Variants in EXD3 observed in about 807,000 individuals in gnomAD.
EXD3 encodes exonuclease mut-7 homolog.
A neutral mutation model predicts 98.0 loss-of-function variants in EXD3; 92 were observed. The observed-to-expected ratio is 0.94, with a 90% CI of 0.79 to 1.12. EXD3 has a LOEUF of 1.12. Ranked by LOEUF, EXD3 falls within the 50% of genes most tolerant of loss-of-function variation. The pLI is 0.00. For synonymous variants in EXD3, 569 were observed against 526.0 expected, an observed-to-expected ratio of 1.08 and a Z score of -1.12; for missense variants, 1,222 against 1,191.6, an observed-to-expected ratio of 1.03 and a Z score of -0.38.
rs1834953671 is a variant in EXD3, at chr9:137,359,921, C to T, written c.657-3553G>A. On this transcript the variant is annotated intron_variant, in intron 7 of 21. Transcript: ENST00000340951. ...CTCTCGGGCATATGCTAAGTGGACT[C>T]GGACAACATATGTCATAGGGTTGGC... Among the ~76,000 whole-genome samples the T allele has an allele frequency of 2.3e-5, 2 of 86,308 alleles. 1 individual carries two copies. Among genetic ancestry groups the T allele is most frequent in the African/African-American group, 6.4e-5 (2 of 31,168 alleles). 56.6% of individuals were successfully genotyped at this position (86,308 alleles called of 152,430 possible).
At chr9:137,365,763 C>T (rs1331529638) in intron 7 of EXD3, 3 of 328,430 alleles carry the variant, frequency 9.1e-6, no homozygotes, top group African/African-American at 2.2e-5. Context: ...TGCACACACA[C>T]ACCACATGCA....
chr9:137,399,156 G>A (rs1837369568), intron 1 of EXD3, among the ~76,000 whole-genome samples: 1 of 152,218 alleles, frequency 6.6e-6, no homozygotes, highest in Non-Finnish European at 1.5e-5. Context: ...TTCTCCTGAC[G>A]GTCATGGTAA....
rs1412338046 is a variant in EXD3 at position 137,371,797 on chromosome 9, G to C, written c.462+1108C>G. Among the ~76,000 whole-genome samples, 1 of 151,800 alleles carries C rather than the reference G, an allele frequency of 6.6e-6. No homozygotes were observed. Among genetic ancestry groups the C allele is most frequent in the Non-Finnish European group, 1.5e-5 (1 of 67,930 alleles). ...CAGGACACCCCCGGGCTTCTTTGCC[G>C]CACCTCGTGCTGCACCCTAGAATCT... On this transcript the variant is annotated intron_variant, in intron 5 of 21. Transcript: ENST00000340951. This position sits in a 1 kb window ranked among gnomAD's most constrained non-coding sequence, Gnocchi z 8.0.
At chr9:137,400,873 T>C (rs1837451018) in intron 1 of EXD3, among the ~76,000 whole-genome samples, 1 of 152,162 alleles carries the variant, frequency 6.6e-6, no homozygotes, top group African/African-American at 2.4e-5. Context: ...AGCTCCAAAA[T>C]GATCTCCTTT....
At chr9:137,412,437 G>T (rs892212077) in intron 1 of EXD3, among the ~76,000 whole-genome samples, 1 of 152,246 alleles carries the variant, frequency 6.6e-6, no homozygotes, top group Non-Finnish European at 1.5e-5. Context: ...TTTTAAATGT[G>T]TCTACAAGAA....
chr9:137,353,192 A>G lies in EXD3; in HGVS notation c.871-406T>C, dbSNP rs143472973. The G allele has an allele frequency of 6.1e-3, 5,892 of 967,158 alleles. 106 individuals carry two copies. The highest frequency in any genetic ancestry group is 0.059 in the African/African-American group (2,970 of 50,220). The allele number at this position is 967,158 out of a possible 1,614,324, so 59.9% of individuals were successfully genotyped here. On this transcript the variant is annotated intron_variant, in intron 10 of 21. Coordinates refer to ENST00000340951, the MANE Select transcript of EXD3 (RefSeq NM_017820.5). ...TGACCTTCCTGGCCTCCAAGCCTCC[A>G]CCAGCCCTCCTGGCCTCCAAGCCTC...
In EXD3 at chr9:137,407,837, G is replaced by T. The variant is rs1399387856; in HGVS notation, c.-47-12433C>A. On this transcript the variant is annotated intron_variant, in intron 1 of 21. Transcript: ENST00000340951. This position sits in a 1 kb window ranked among gnomAD's most constrained non-coding sequence, Gnocchi z 4.4. Reference sequence around the variant, plus strand: ...ACCCAAGGACACACGCGGGAGGCGGGAGGCGGGAGGGGCACAGCAAAGGGT... The same window carrying T: ...ACCCAAGGACACACGCGGGAGGCGGTAGGCGGGAGGGGCACAGCAAAGGGT... Among the ~76,000 whole-genome samples, 1 of 152,134 alleles carries T rather than the reference G, an allele frequency of 6.6e-6. No individual in the cohort carries two copies. Among genetic ancestry groups the T allele is most frequent in the Non-Finnish European group, 1.5e-5 (1 of 67,998 alleles).
rs1315501428 is a variant in EXD3, at chr9:137,371,078, G to A, written c.462+1827C>T. On this transcript the variant is annotated intron_variant, in intron 5 of 21. Transcript: ENST00000340951. The surrounding 1 kb of genome is among the most constrained non-coding windows in gnomAD (Gnocchi z 8.0). Reference sequence around the variant, plus strand: ...GGGACAATGGCTTTCTTCGCAGAAGGGGCCTGTGCGGGACAAGACCCCCTT... The same window carrying A: ...GGGACAATGGCTTTCTTCGCAGAAGAGGCCTGTGCGGGACAAGACCCCCTT... Among the ~76,000 whole-genome samples, 1 of 152,210 alleles carries A rather than the reference G, an allele frequency of 6.6e-6. No individual in the cohort carries two copies. The highest frequency in any genetic ancestry group is 2.4e-5 in the African/African-American group (1 of 41,460).
intron 2 of EXD3, among the ~76,000 whole-genome samples, chr9:137,387,650 G>A (rs1018267153): frequency 2.0e-5 from 3 of 152,120 alleles, no homozygotes; most frequent in East Asian, 1.9e-4. Flanking sequence ...AGCACCCCAC[G>A]CACCCCAACT....
In EXD3 at chr9:137,395,551, A is replaced by G. The variant is rs1837174821; in HGVS notation, c.-47-147T>C. 2.9e-6 allele frequency: 2 copies of G among 691,600 alleles called. No homozygotes were observed. Among genetic ancestry groups the G allele is most frequent in the Admixed American group, 5.6e-5 (2 of 35,994 alleles). The allele number at this position is 691,600 out of a possible 1,614,324, so 42.8% of individuals were successfully genotyped here. On this transcript the variant is annotated intron_variant, in intron 1 of 21. Coordinates refer to ENST00000340951, the MANE Select transcript of EXD3 (RefSeq NM_017820.5). The surrounding 1 kb of genome is among the most constrained non-coding windows in gnomAD (Gnocchi z 6.5). Reference sequence around the variant, plus strand: ...CCCCCAGTCGCTGAGCATAGCGGGCAGCTCCACACTCCTCTCCCAGCTGGG... The same window carrying G: ...CCCCCAGTCGCTGAGCATAGCGGGCGGCTCCACACTCCTCTCCCAGCTGGG...
chr9:137,352,097 T>A lies in EXD3; in HGVS notation c.1142A>T (p.Asp381Val), dbSNP rs1245471079. Residue 381 changes from aspartate to valine, a missense_variant, in exon 12 of 22, where the codon GAC becomes GTC. By Grantham distance (152) the Asp-to-Val change is radical (BLOSUM62 -3). Transcript: ENST00000340951. ...ENVHLLASWE[D>V]LTRHEGALLQ... is the part of the protein sequence containing the mutation. ...GAGTGCACCCTCGTGTCTGGTCAGG[T>A]CTTCCCACGAGGCCAGGAGGTGGAC... 6.2e-7 allele frequency: 1 copy of A among 1,612,318 alleles called. No homozygotes were observed. The highest frequency in any genetic ancestry group is 2.2e-5 in the East Asian group (1 of 44,882).
intron 1 of EXD3, among the ~76,000 whole-genome samples, chr9:137,421,586 C>T (rs1838516294): frequency 6.6e-6 from 1 of 152,218 alleles, no homozygotes; most frequent in Non-Finnish European, 1.5e-5. Flanking sequence ...CCTATAACCC[C>T]AGCACTTTGG....
At position 137,350,958 on chromosome 9, in the gene EXD3, G is replaced by A. The variant is rs943581176; in HGVS notation, c.1494+80C>T. 7 of 1,152,422 alleles carry A rather than the reference G, an allele frequency of 6.1e-6. No homozygotes were observed. In the African/African-American group the frequency reaches 1.1e-4, roughly 18 times the overall value. The allele number at this position is 1,152,422 out of a possible 1,614,324, so 71.4% of individuals were successfully genotyped here. ...CGGCGGGAGAAGCCCAGGGCCGCTGGGAAGGTGTGGAGGGGCCCCAAGCAG... is the reference window on the plus strand; with the variant it reads ...CGGCGGGAGAAGCCCAGGGCCGCTGAGAAGGTGTGGAGGGGCCCCAAGCAG... On this transcript the variant is annotated intron_variant, in intron 14 of 21. Transcript: ENST00000340951.
At chr9:137,391,369 C>T (rs1362074318) in intron 2 of EXD3, among the ~76,000 whole-genome samples, 2 of 152,212 alleles carry the variant, frequency 1.3e-5, no homozygotes, top group South Asian at 2.1e-4. Context: ...TGGCCACGTC[C>T]CCAGCCCCAG....
intron 3 of EXD3, among the ~76,000 whole-genome samples, chr9:137,378,271 T>TGA (rs1836017837): frequency 6.6e-6 from 1 of 151,586 alleles, no homozygotes; most frequent in Non-Finnish European, 1.5e-5. Flanking sequence ...TGCAGTGGCA[T>TGA]GATCTTGGCT....
At position 137,323,624 on chromosome 9, in the gene EXD3, C is replaced by A; in HGVS notation, c.2184+101G>T. 2.7e-6 allele frequency: 4 copies of A among 1,495,548 alleles called. No homozygotes were observed. In the South Asian group the frequency reaches 5.0e-5, roughly 19 times the overall value. 92.6% of individuals were successfully genotyped at this position (1,495,548 alleles called of 1,614,324 possible). On this transcript the variant is annotated intron_variant, in intron 19 of 21. Coordinates refer to ENST00000340951, the MANE Select transcript of EXD3 (RefSeq NM_017820.5). ...AGGGATGCTCTGCCGACACCCCACCCCAGACCCACCACTGTCTAGGGTGGG... is the reference window on the plus strand; with the variant it reads ...AGGGATGCTCTGCCGACACCCCACCACAGACCCACCACTGTCTAGGGTGGG...
At chr9:137,342,509 TC>T in intron 17 of EXD3, among the ~76,000 whole-genome samples, 1 of 152,136 alleles carries the variant, frequency 6.6e-6, no homozygotes, top group Non-Finnish European at 1.5e-5. Flanking sequence ...TCTGAGAAGT[TC>T]ATTAGGGACT....
Position 137,415,638 on chromosome 9 carries a change from T to C in EXD3, c.-48+7476A>G, listed in dbSNP as rs116396243. ...GGGACAGCTGCAAGGACGGGTCAGG[T>C]GGCCCATGGGCTCTGGGGAACCCTT... On this transcript the variant is annotated intron_variant, in intron 1 of 21. Coordinates refer to ENST00000340951, the MANE Select transcript of EXD3 (RefSeq NM_017820.5). 4.0e-3 allele frequency among the ~76,000 whole-genome samples: 603 copies of C among 152,256 alleles called. 3 individuals are homozygous for C. Among genetic ancestry groups the C allele is most frequent in the African/African-American group, 0.014 (562 of 41,540 alleles).
At chr9:137,352,494 C>T (rs1834358121) in intron 11 of EXD3, 126 bp downstream of exon 11, 1 of 1,063,352 alleles carries the variant, frequency 9.4e-7, no homozygotes, top group South Asian at 1.7e-5. Context: ...TAGCTGCGCT[C>T]TTTGTTTTGT....
Sources: gnomAD v4.1 joint callset for allele counts (sites outside exome capture counted in the v4.1 genomes callset) on GRCh38, gnomAD v4.1.1 for gene constraint, Gnocchi (gnomAD v3.1) non-coding constraint, MANE v1.5 for transcripts, NCBI Gene and HGNC (gene_info 2026-07-23, HGNC 2026-07-21) for gene names.